ULBP3: variants seen among roughly 807,000 people sequenced by gnomAD.
ULBP3 encodes UL16 binding protein 3, also known as UL16-binding protein 3.
ULBP3 carries 25 observed loss-of-function variants against 24.9 expected under a neutral mutation model. That is an observed-to-expected ratio of 1.00 (90% CI 0.73 to 1.40). ULBP3 has a LOEUF of 1.40. ULBP3 is among the 40% of genes most tolerant of loss of function. The pLI, the probability that ULBP3 is intolerant of heterozygous loss-of-function variation, is 0.00. For synonymous variants in ULBP3, 114 were observed against 114.7 expected, an observed-to-expected ratio of 0.99 and a Z score of 0.04; for missense variants, 306 against 307.5, an observed-to-expected ratio of 1.00 and a Z score of 0.04.
chr6:150,066,126 T>C lies in ULBP3; in HGVS notation c.125A>G (p.His42Arg). The C allele has an allele frequency of 6.2e-7, 1 of 1,613,750 alleles. No homozygotes were observed. Among genetic ancestry groups the C allele is most frequent in the Non-Finnish European group, 8.5e-7 (1 of 1,179,976 alleles). Residue 42 changes from histidine (H) to arginine (R), a missense_variant, in exon 2 of 5, where the codon CAT becomes CGT. Physicochemically the swap from His to Arg is conservative, Grantham distance 29. Coordinates refer to ENST00000367339, the MANE Select transcript of ULBP3 (RefSeq NM_024518.3). ...HSLWYNFTIIHLPRHGQQWCE... is the reference protein window; with the variant it reads ...HSLWYNFTIIRLPRHGQQWCE... ...CCACTGTTGCCCATGTCTGGGCAAA[T>C]GAATGATGGTGAAGTTATACCAGAG...
At chr6:150,066,437 G>A (rs766869813) in intron 1 of ULBP3, among the ~76,000 whole-genome samples, 2 of 152,200 alleles carry the variant, frequency 1.3e-5, no homozygotes, top group Non-Finnish European at 2.9e-5. Flanking sequence ...GGATCTGCAG[G>A]AGCAGCCCAG....
chr6:150,066,222 T>G (rs1776345705), intron 1 of ULBP3, 60 bp from the exon 2 acceptor site: 7 of 1,554,902 alleles, frequency 4.5e-6, no homozygotes, highest in Non-Finnish European at 6.1e-6. Flanking sequence ...CCCCAAACAC[T>G]GTGACAGCAA....
chr6:150,064,594 T>A lies in ULBP3; in HGVS notation c.*13A>T. 2 of 1,613,284 alleles carry A rather than the reference T, an allele frequency of 1.2e-6. No individual in the cohort carries two copies. The highest frequency in any genetic ancestry group is 1.7e-6 in the Non-Finnish European group (2 of 1,179,496). On this transcript the variant is annotated 3_prime_UTR_variant, in exon 4 of 5. Coordinates refer to ENST00000367339, the MANE Select transcript of ULBP3 (RefSeq NM_024518.3). ...GTTTTGCCCACAGTACCTGTCACTC[T>A]AAATGACTCTTCTCAGATGCCAGGG...
chr6:150,061,305 A>G lies in ULBP3; in HGVS notation c.*2069T>C, dbSNP rs773656852. On this transcript the variant is annotated 3_prime_UTR_variant, in exon 5 of 5. Coordinates refer to ENST00000367339, the MANE Select transcript of ULBP3 (RefSeq NM_024518.3). ...ATTATAGATTAAAGGGTACACATACAGGTTTGTTACATGGGTAGATTTTGG... is the reference window on the plus strand; with the variant it reads ...ATTATAGATTAAAGGGTACACATACGGGTTTGTTACATGGGTAGATTTTGG... Among the ~76,000 whole-genome samples, 5 of 152,196 alleles carry G rather than the reference A, an allele frequency of 3.3e-5. No homozygotes were observed. The highest frequency in any genetic ancestry group is 7.3e-5 in the Non-Finnish European group (5 of 68,042).
At position 150,065,977 on chromosome 6, in the gene ULBP3, G is replaced by T; in HGVS notation, c.274C>A (p.Leu92Met). ...LYATDAWGKQLEMLREVGQRL... is the reference protein window; with the variant it reads ...LYATDAWGKQMEMLREVGQRL... ...TGCCCCACCTCTCTCAGCATTTCCA[G>T]TTGTTTTCCCCAGGCATCTGTGGCA... The change falls in exon 2 of 5, where the codon CTG (leucine) becomes ATG (methionine). Residue 92 changes from leucine to methionine, a missense_variant. Coordinates refer to ENST00000367339, the MANE Select transcript of ULBP3 (RefSeq NM_024518.3). The T allele has an allele frequency of 6.2e-7, 1 of 1,614,180 alleles. No individual in the cohort carries two copies. Among genetic ancestry groups the T allele is most frequent in the Non-Finnish European group, 8.5e-7 (1 of 1,180,034 alleles).
chr6:150,062,819 C>T lies in ULBP3; in HGVS notation c.*555G>A, dbSNP rs1397867144. Among the ~76,000 whole-genome samples, 1 of 148,588 alleles carries T rather than the reference C, an allele frequency of 6.7e-6. No homozygotes were observed. The highest frequency in any genetic ancestry group is 6.7e-5 in the Admixed American group (1 of 14,896). On this transcript the variant is annotated 3_prime_UTR_variant, in exon 5 of 5. Coordinates refer to ENST00000367339, the MANE Select transcript of ULBP3 (RefSeq NM_024518.3). ...TGGCAGAAGGTGTTAAGAAAAATGG[C>T]TGGCCGGGCGCGGTGGCTCACGCCT...
At position 150,062,731 on chromosome 6, in the gene ULBP3, G is replaced by T. The variant is rs1457073658; in HGVS notation, c.*643C>A. Among the ~76,000 whole-genome samples the T allele has an allele frequency of 2.6e-5, 4 of 151,908 alleles. No homozygotes were observed. The highest frequency in any genetic ancestry group is 5.9e-5 in the Non-Finnish European group (4 of 67,974). ...AAGAAGTAGAAAGAAAATGCCTTTTGCTGGGATTTCTTGTTCAGTTAAAAC... is the reference window on the plus strand; with the variant it reads ...AAGAAGTAGAAAGAAAATGCCTTTTTCTGGGATTTCTTGTTCAGTTAAAAC... On this transcript the variant is annotated 3_prime_UTR_variant, in exon 5 of 5. Coordinates refer to ENST00000367339, the MANE Select transcript of ULBP3 (RefSeq NM_024518.3).
chr6:150,068,193 G>A (rs1776374899), intron 1 of ULBP3, among the ~76,000 whole-genome samples: 1 of 152,104 alleles, frequency 6.6e-6, no homozygotes, highest in Non-Finnish European at 1.5e-5. Flanking sequence ...TCCCTGAATG[G>A]CCCCTGGGGA....
In ULBP3 at chr6:150,061,544, T is replaced by TA. The variant is rs1188308147; in HGVS notation, c.*1829dup. Among the ~76,000 whole-genome samples, 8 of 152,258 alleles carry TA rather than the reference T, an allele frequency of 5.3e-5. No homozygotes were observed. The highest frequency in any genetic ancestry group is 1.7e-4 in the African/African-American group (7 of 41,476). ...TCTTGCATTAGGTTGCTTAGGATAA[T>TA]AGCCTCTAGTTCCATCCATGTTGCT... is the stretch of plus-strand genomic sequence containing the variant. On this transcript the variant is annotated 3_prime_UTR_variant, in exon 5 of 5. Transcript: ENST00000367339.
Position 150,069,062 on chromosome 6 carries a change from G to T in ULBP3, c.5C>A (p.Ala2Glu). M[A>E]AAASPAILPR... ...AAGGATCGCGGGGCTGGCGGCCGCT[G>T]CCATTGTAGACCAGGAGCGCCCGGG... Residue 2 changes from alanine to glutamate, a missense_variant, in exon 1 of 5, where the codon GCA (alanine) becomes GAA (glutamate). Coordinates refer to ENST00000367339, the MANE Select transcript of ULBP3 (RefSeq NM_024518.3). 1 of 1,611,368 alleles carries T rather than the reference G, an allele frequency of 6.2e-7. No individual in the cohort carries two copies. The highest frequency in any genetic ancestry group is 8.5e-7 in the Non-Finnish European group (1 of 1,179,112).
At chr6:150,064,100 G>A (rs1582864586) in intron 4 of ULBP3, among the ~76,000 whole-genome samples, 1 of 152,160 alleles carries the variant, frequency 6.6e-6, no homozygotes, top group Admixed American at 6.5e-5. Context: ...AACTGGGTGG[G>A]CCAAGGCCCT....
At position 150,068,757 on chromosome 6, in the gene ULBP3, C is replaced by A. The variant is rs562123976; in HGVS notation, c.88+222G>T. Among the ~76,000 whole-genome samples, 65 of 152,322 alleles carry A rather than the reference C, an allele frequency of 4.3e-4. 1 individual carries two copies. The highest frequency in any genetic ancestry group is 8.8e-4 in the Non-Finnish European group (60 of 68,018). On this transcript the variant is annotated intron_variant, in intron 1 of 4. Transcript: ENST00000367339. ...TTGGCCCCTCCACCCTCCTGCGGTT[C>A]TTTTTTCGCCTTCTTTGACCCCCCT...
At position 150,062,830 on chromosome 6, in the gene ULBP3, C is replaced by T. The variant is rs612770; in HGVS notation, c.*544G>A. Among the ~76,000 whole-genome samples the T allele has an allele frequency of 0.32, 48,297 of 151,716 alleles. 8,054 individuals are homozygous for T. Among genetic ancestry groups the T allele is most frequent in the Middle Eastern group, 0.41 (121 of 294 alleles). On this transcript the variant is annotated 3_prime_UTR_variant, in exon 5 of 5. Coordinates refer to ENST00000367339, the MANE Select transcript of ULBP3 (RefSeq NM_024518.3). The stretch of plus-strand genomic sequence containing the variant: ...GTTAAGAAAAATGGCTGGCCGGGCG[C>T]GGTGGCTCACGCCTGTAATCCCAGC...
Position 150,064,675 on chromosome 6 carries a change from CT to C in ULBP3, c.666del (p.Ala223ProfsTer2). 6.2e-7 allele frequency: 1 copy of C among 1,614,062 alleles called. No individual in the cohort carries two copies. Among genetic ancestry groups the C allele is most frequent in the Non-Finnish European group, 8.5e-7 (1 of 1,179,958 alleles). ...PTMAPGLAQP[K>X]AIATTLSPWS... ...CAGGGACTGAGGGTGGTGGCTATGGCTTTGGGTTGAGCTAAGCCTGGGGCCA... is the reference window on the plus strand; with the variant it reads ...CAGGGACTGAGGGTGGTGGCTATGGCTTGGGTTGAGCTAAGCCTGGGGCCA... On this transcript the variant is annotated frameshift_variant, in exon 4 of 5. Transcript: ENST00000367339. LOFTEE classifies it high-confidence loss of function.
rs1776280472 is a variant in ULBP3, at chr6:150,062,047, G to A, written c.*1327C>T. Among the ~76,000 whole-genome samples the A allele has an allele frequency of 6.6e-6, 1 of 152,162 alleles. No individual in the cohort carries two copies. The highest frequency in any genetic ancestry group is 2.4e-5 in the African/African-American group (1 of 41,438). ...CTTCTTTTGAAAAGTGTCTGTTCAT[G>A]TCTTTGCACATTTTTTAATTGGGTT... On this transcript the variant is annotated 3_prime_UTR_variant, in exon 5 of 5. Transcript: ENST00000367339.
Position 150,066,055 on chromosome 6 carries a change from C to T in ULBP3, c.196G>A (p.Asp66Asn), listed in dbSNP as rs1185471977. 1 of 1,614,214 alleles carries T rather than the reference C, an allele frequency of 6.2e-7. No homozygotes were observed. The highest frequency in any genetic ancestry group is 1.7e-5 in the Admixed American group (1 of 60,026). Reference protein sequence around the residue: ...QVDQKNFLSYDCGSDKVLSMG... With the variant: ...QVDQKNFLSYNCGSDKVLSMG... Reference sequence around the variant, plus strand: ...GATAAGACCTTGTCACTGCCACAGTCATAGGAGAGAAAATTCTTCTGATCC... The same window carrying T: ...GATAAGACCTTGTCACTGCCACAGTTATAGGAGAGAAAATTCTTCTGATCC... The change falls in exon 2 of 5, where the codon GAC (aspartate) becomes AAC (asparagine). Residue 66 changes from aspartate to asparagine, a missense_variant. Coordinates refer to ENST00000367339, the MANE Select transcript of ULBP3 (RefSeq NM_024518.3).
intron 2 of ULBP3, 84 bp downstream of exon 2, chr6:150,065,815 C>T: frequency 1.3e-6 from 2 of 1,584,294 alleles, no homozygotes; most frequent in Non-Finnish European, 1.7e-6. Flanking sequence ...ATGGAGGTCC[C>T]ATGTCTAATT....
chr6:150,068,870 G>A lies in ULBP3; in HGVS notation c.88+109C>T, dbSNP rs116814298. 2.5e-3 allele frequency: 2,966 copies of A among 1,173,048 alleles called. 46 individuals are homozygous for A. In the African/African-American group the frequency reaches 0.041, roughly 16 times the overall value. The allele number at this position is 1,173,048 out of a possible 1,614,324, so 72.7% of individuals were successfully genotyped here. A position where few individuals can be genotyped will look rare whatever the true frequency, so the allele number is the denominator to read the frequency against. ...GGAACTGAGCGTGGGGGCAGTCCGG[G>A]GAGATCGCGCCGGTCCTTCTAGAAG... On this transcript the variant is annotated intron_variant, in intron 1 of 4. Transcript: ENST00000367339.
intron 1 of ULBP3, among the ~76,000 whole-genome samples, chr6:150,066,737 T>C (rs1047526821): frequency 2.6e-5 from 4 of 152,172 alleles, no homozygotes; most frequent in African/African-American, 4.8e-5. Context: ...GACTGCAGTA[T>C]GAAAATCCAG....
Sources: allele counts gnomAD v4.1 joint callset (sites outside exome capture counted in the v4.1 genomes callset), GRCh38; gene constraint gnomAD v4.1.1; transcripts MANE v1.5; gene names NCBI Gene and HGNC (gene_info 2026-07-23, HGNC 2026-07-21).